Variants in FNDC3A observed in about 807,000 individuals in gnomAD.
FNDC3A encodes the protein fibronectin type-III domain-containing protein 3A.
A neutral mutation model predicts 148.9 loss-of-function variants in FNDC3A; 32 were observed. The observed-to-expected ratio is 0.21, with a 90% CI of 0.16 to 0.29. The LOEUF (loss-of-function observed/expected upper bound fraction) is 0.29. Ranked by LOEUF, FNDC3A falls within the 10% of genes least tolerant of loss-of-function variation. FNDC3A has a pLI of 1.00. For missense variants in FNDC3A, 1,191 were observed against 1,452.8 expected, an observed-to-expected ratio of 0.82 and a Z score of 2.93; for synonymous variants, 472 against 473.6, an observed-to-expected ratio of 1.00 and a Z score of 0.04.
Position 49,207,377 on chromosome 13 carries a change from G to A in FNDC3A, c.3579G>A (p.Gln1193=), listed in dbSNP as rs756260960. Residue 1193 remains glutamine (Q), a synonymous_variant, in exon 26 of 26, where the codon CAG becomes CAA. Transcript: ENST00000492622. ...CCATTTTGATTGCCTTTATCATTCA[G>A]TACTTTGTAATCAAGTGAAAATATA... ...FFSILIAFII[Q]YFVIK is the part of the protein sequence containing the mutation. 14 of 1,591,584 alleles carry A rather than the reference G, an allele frequency of 8.8e-6. No individual in the cohort carries two copies. The South Asian group carries it at 1.6e-4, about 18-fold the overall frequency.
In FNDC3A at chr13:49,115,800, T is replaced by C. The variant is rs182511405; in HGVS notation, c.252+1069T>C. ...ACTCCTTAATATAGTCTGCATTCTG[T>C]CTATATTACTCTACTAAAACTGCTT... On this transcript the variant is annotated intron_variant, in intron 4 of 25. Transcript: ENST00000492622. 6.6e-3 allele frequency among the ~76,000 whole-genome samples: 1,001 copies of C among 152,284 alleles called. 4 individuals carry two copies. The highest frequency in any genetic ancestry group is 0.011 in the Non-Finnish European group (732 of 68,016).
Position 49,199,234 on chromosome 13 carries a change from T to C in FNDC3A, c.2987+660T>C, listed in dbSNP as rs993969987. ...TGGGGTTTCACCATGTCGCTCACAC[T>C]GGTCTCGAACTCCTGGGCTCAAGTG... On this transcript the variant is annotated intron_variant, in intron 23 of 25. Coordinates refer to ENST00000492622, the MANE Select transcript of FNDC3A (RefSeq NM_001079673.2). 4.6e-5 allele frequency among the ~76,000 whole-genome samples: 7 copies of C among 152,174 alleles called. No individual in the cohort carries two copies. In the East Asian group the frequency reaches 1.4e-3, roughly 29 times the overall value.
chr13:49,127,977 G>A (rs1255552101), intron 4 of FNDC3A, among the ~76,000 whole-genome samples: 1 of 152,074 alleles, frequency 6.6e-6, no homozygotes, highest in South Asian at 2.1e-4. Context: ...TGCCTCCCGG[G>A]TTCAAACGAT....
At chr13:49,174,204 A>G (rs1048368869) in intron 11 of FNDC3A, among the ~76,000 whole-genome samples, 2 of 152,160 alleles carry the variant, frequency 1.3e-5, no homozygotes, top group Non-Finnish European at 2.9e-5. Context: ...ACATTGGCTA[A>G]AAGATGGTAC....
chr13:49,087,122 A>G (rs185316777), intron 3 of FNDC3A, among the ~76,000 whole-genome samples: 1 of 152,258 alleles, frequency 6.6e-6, no homozygotes, highest in Admixed American at 6.5e-5. Context: ...TCATGTTCCT[A>G]ATAAGCAAAA....
At chr13:49,139,013 A>G (rs1259319325) in intron 7 of FNDC3A, among the ~76,000 whole-genome samples, 1 of 149,892 alleles carries the variant, frequency 6.7e-6, no homozygotes, top group African/African-American at 2.5e-5. Context: ...TAGTTTTGTC[A>G]TTCATTCATC....
intron 14 of FNDC3A, among the ~76,000 whole-genome samples, chr13:49,185,126 T>C (rs552848655): frequency 9.9e-6 from 1 of 100,850 alleles, no homozygotes; most frequent in East Asian, 2.7e-4. Flanking sequence ...TGGTTTGATA[T>C]TGGACTTGAG....
intron 4 of FNDC3A, among the ~76,000 whole-genome samples, chr13:49,126,009 C>CT (rs1280899697): frequency 6.6e-6 from 1 of 151,978 alleles, no homozygotes; most frequent in Non-Finnish European, 1.5e-5. Flanking sequence ...TATATTTTAT[C>CT]TTTTTTTTCC....
chr13:49,136,339 C>G lies in FNDC3A; in HGVS notation c.498C>G (p.His166Gln). 1 of 1,613,532 alleles carries G rather than the reference C, an allele frequency of 6.2e-7. No homozygotes were observed. The highest frequency in any genetic ancestry group is 1.1e-5 in the South Asian group (1 of 91,046). ...GTTTTTATTGCCTCCTAGATGCTCA[C>G]TCTACACATGGAAGGTCCAACTTTA... Reference protein sequence around the residue: ...SSQVYGDVDAHSTHGRSNFRD... With the variant: ...SSQVYGDVDAQSTHGRSNFRD... The change falls in exon 6 of 26, where the codon CAC becomes CAG. Residue 166 changes from histidine (H) to glutamine (Q), a missense_variant. By Grantham distance (24) the His-to-Gln change is conservative. Coordinates refer to ENST00000492622, the MANE Select transcript of FNDC3A (RefSeq NM_001079673.2).
At chr13:49,098,566 A>G (rs1269578193) in intron 3 of FNDC3A, among the ~76,000 whole-genome samples, 2 of 152,126 alleles carry the variant, frequency 1.3e-5, no homozygotes, top group Non-Finnish European at 2.9e-5. Context: ...ACTAAAAATA[A>G]TTTCTTGTTT....
chr13:49,184,688 T>A lies in FNDC3A; in HGVS notation c.1618-1276T>A, dbSNP rs548093138. On this transcript the variant is annotated intron_variant, in intron 14 of 25. Transcript: ENST00000492622. ...CCCTGGGGTCGTTTGTTGGTTAACTTTATCATATATCACCTTGTGACATTT... is the reference window on the plus strand; with the variant it reads ...CCCTGGGGTCGTTTGTTGGTTAACTATATCATATATCACCTTGTGACATTT... Among the ~76,000 whole-genome samples the A allele has an allele frequency of 2.0e-5, 3 of 152,172 alleles. No individual in the cohort carries two copies. In the East Asian group the frequency reaches 5.8e-4, roughly 29 times the overall value.
At chr13:49,038,765 A>T (rs1211515561) in intron 2 of FNDC3A, among the ~76,000 whole-genome samples, 1 of 152,202 alleles carries the variant, frequency 6.6e-6, no homozygotes, top group Non-Finnish European at 1.5e-5. Flanking sequence ...CTCAGACCTA[A>T]CAATGTTTGT....
intron 14 of FNDC3A, among the ~76,000 whole-genome samples, chr13:49,179,050 A>G (rs567338579): frequency 4.6e-5 from 7 of 152,278 alleles, no homozygotes; most frequent in Admixed American, 2.0e-4. Context: ...TTTTAAAGAC[A>G]AGTATATACT....
chr13:49,078,122 A>G (rs1878237116), intron 3 of FNDC3A, among the ~76,000 whole-genome samples: 1 of 152,192 alleles, frequency 6.6e-6, no homozygotes, highest in Non-Finnish European at 1.5e-5. Flanking sequence ...TTTGCAGAGG[A>G]AGATACTCAT....
chr13:49,066,876 CTTT>C (rs1263460685), intron 2 of FNDC3A, among the ~76,000 whole-genome samples: 1 of 152,022 alleles, frequency 6.6e-6, no homozygotes, highest in African/African-American at 2.4e-5. Context: ...ATGACTATTC[CTTT>C]TTGCCCCTCC....
At chr13:49,023,247 C>G (rs565791403) in intron 2 of FNDC3A, among the ~76,000 whole-genome samples, 1 of 151,922 alleles carries the variant, frequency 6.6e-6, no homozygotes, top group East Asian at 1.9e-4. Context: ...TATTGAATGA[C>G]TTGAGACCAA....
At chr13:49,161,587 G>T (rs1242785735) in intron 8 of FNDC3A, among the ~76,000 whole-genome samples, 3 of 151,852 alleles carry the variant, frequency 2.0e-5, no homozygotes, top group African/African-American at 4.8e-5. Context: ...TTTTAATTGG[G>T]GCATTTAGTC....
chr13:49,102,729 G>A (rs781743387), intron 3 of FNDC3A, among the ~76,000 whole-genome samples: 37 of 152,180 alleles, frequency 2.4e-4, no homozygotes, highest in Non-Finnish European at 4.0e-4. Context: ...AAACACAGAG[G>A]ATGCATTGAG....
Position 49,203,293 on chromosome 13 carries a change from C to A in FNDC3A, c.3282+9C>A. 6.3e-7 allele frequency: 1 copy of A among 1,588,544 alleles called. No individual in the cohort carries two copies. Among genetic ancestry groups the A allele is most frequent in the Non-Finnish European group, 8.6e-7 (1 of 1,164,122 alleles). On this transcript the variant is annotated intron_variant, in intron 25 of 25. Transcript: ENST00000492622. ...ATTCAGAATTCAAACAGGTATGTACCAAGATATTAATGTGTGGATGCATAT... is the reference window on the plus strand; with the variant it reads ...ATTCAGAATTCAAACAGGTATGTACAAAGATATTAATGTGTGGATGCATAT...
Sources: allele counts gnomAD v4.1 joint callset (sites outside exome capture counted in the v4.1 genomes callset), GRCh38; gene constraint gnomAD v4.1.1; transcripts MANE v1.5; gene names NCBI Gene and HGNC (gene_info 2026-07-23, HGNC 2026-07-21).